Variants in SLC7A2 observed in about 807,000 individuals in gnomAD.
SLC7A2 encodes the protein solute carrier family 7 member 2, also known as cationic amino acid transporter 2.
SLC7A2 carries 48 observed loss-of-function variants against 58.9 expected under a neutral mutation model. The observed-to-expected ratio is 0.82, with a 90% CI of 0.65 to 1.04. SLC7A2 has a LOEUF of 1.04. SLC7A2 is among the 50% of genes least tolerant of loss of function. The pLI, the probability that SLC7A2 is intolerant of heterozygous loss-of-function variation, is 0.00. For synonymous variants in SLC7A2, 363 were observed against 314.5 expected, an observed-to-expected ratio of 1.15 and a Z score of -1.63; for missense variants, 1,029 against 818.8, an observed-to-expected ratio of 1.26 and a Z score of -3.13.
At chr8:17,563,487 T>C (rs1417512265) in intron 11 of SLC7A2, 116 bp from the exon 12 acceptor site, 8 of 670,856 alleles carry the variant, frequency 1.2e-5, no homozygotes, top group Non-Finnish European at 1.9e-5. Context: ...TGGTTTTAAC[T>C]GTGATTGACG....
intron 7 of SLC7A2, among the ~76,000 whole-genome samples, chr8:17,552,565 AAATGGTGGAAATT>A (rs1802504068): frequency 7.3e-6 from 1 of 136,548 alleles, no homozygotes; most frequent in Non-Finnish European, 1.6e-5. Context: ...ATTCTTAAAT[AAATGGTGGAAATT>A]CATATAAATA....
rs371164298 is a variant in SLC7A2 at position 17,558,336 on chromosome 8, A to G, written c.1237A>G (p.Met413Val). The G allele has an allele frequency of 2.6e-5, 42 of 1,613,476 alleles. No individual in the cohort carries two copies. The highest frequency in any genetic ancestry group is 3.3e-5 in the Admixed American group (2 of 59,936). The part of the protein sequence containing the change: ...FLFDLKALVD[M>V]MSIGTLMAYS... ...GTTTGACCTGAAGGCGCTTGTGGACATGATGTCCATTGGCACACTCATGGC... is the reference window on the plus strand; with the variant it reads ...GTTTGACCTGAAGGCGCTTGTGGACGTGATGTCCATTGGCACACTCATGGC... Residue 413 changes from methionine (M) to valine (V), a missense_variant, in exon 9 of 13, where the codon ATG becomes GTG. Met to Val is a conservative substitution (Grantham distance 21, BLOSUM62 1). Transcript: ENST00000494857.
At chr8:17,533,182 C>G (rs1046649159) in intron 2 of SLC7A2, among the ~76,000 whole-genome samples, 1 of 152,152 alleles carries the variant, frequency 6.6e-6, no homozygotes, top group African/African-American at 2.4e-5. Context: ...TATGAACTTG[C>G]AAACTTCTCT....
intron 8 of SLC7A2, chr8:17,555,189 AC>A (rs1250179506): frequency 6.2e-6 from 6 of 974,690 alleles, no homozygotes; most frequent in African/African-American, 1.7e-5. Flanking sequence ...GTTAAAAAAA[AC>A]AAAATCACTG....
At chr8:17,501,226 T>C (rs1241480321) in intron 1 of SLC7A2, among the ~76,000 whole-genome samples, 4 of 152,046 alleles carry the variant, frequency 2.6e-5, no homozygotes, top group Non-Finnish European at 4.4e-5. Flanking sequence ...GTTGCCCAGG[T>C]TGGTCTCGAA....
intron 6 of SLC7A2, 24 bp downstream of exon 6, chr8:17,550,458 T>G (rs1325245876): frequency 6.2e-7 from 1 of 1,607,534 alleles, no homozygotes; most frequent in Non-Finnish European, 8.5e-7. Context: ...CTTGGCTCAG[T>G]GTAGAAGGAG....
At chr8:17,509,494 C>T (rs1256094592) in intron 2 of SLC7A2, among the ~76,000 whole-genome samples, 1 of 151,878 alleles carries the variant, frequency 6.6e-6, no homozygotes, top group Non-Finnish European at 1.5e-5. Context: ...TTAGTAGAGA[C>T]AGGGTTTCAT....
At chr8:17,520,763 G>C in intron 2 of SLC7A2, 1 of 921,766 alleles carries the variant, frequency 1.1e-6, no homozygotes, top group South Asian at 5.1e-5. Context: ...GAATAAAAGG[G>C]TATCTGTAAG....
At chr8:17,508,209 C>G (rs1376874042) in intron 2 of SLC7A2, among the ~76,000 whole-genome samples, 1 of 152,072 alleles carries the variant, frequency 6.6e-6, no homozygotes, top group African/African-American at 2.4e-5. Flanking sequence ...CAGAAAATTC[C>G]TGTTGATAGT....
rs1803448369 is a variant in SLC7A2 at position 17,570,260 on chromosome 8, G to T, written c.*5114G>T. 1 of 152,202 alleles carries T rather than the reference G, an allele frequency of 6.6e-6. No individual in the cohort carries two copies. The highest frequency in any genetic ancestry group is 2.1e-4 in the South Asian group (1 of 4,820). The allele number at this position is 152,202 out of a possible 1,614,324, so 9.4% of individuals were successfully genotyped here. Reference sequence around the variant, plus strand: ...TTTATCTTTGGTGTCCCCTAGGAGTGTCCAGTTGTTTTATTGCTGTATTTT... The same window carrying T: ...TTTATCTTTGGTGTCCCCTAGGAGTTTCCAGTTGTTTTATTGCTGTATTTT... On this transcript the variant is annotated 3_prime_UTR_variant, in exon 13 of 13. Coordinates refer to ENST00000494857, the MANE Select transcript of SLC7A2 (RefSeq NM_001370338.1).
intron 2 of SLC7A2, among the ~76,000 whole-genome samples, chr8:17,507,964 C>A (rs562608645): frequency 6.6e-6 from 1 of 151,950 alleles, no homozygotes; most frequent in Admixed American, 6.6e-5. Flanking sequence ...CATACTTTTA[C>A]CAGAAAATGG....
chr8:17,494,913 C>T (rs1216342629), upstream of SLC7A2, among the ~76,000 whole-genome samples: 3 of 152,180 alleles, frequency 2.0e-5, no homozygotes, highest in African/African-American at 4.8e-5. Context: ...GAACACAGCA[C>T]GTTCTTGCTT....
At chr8:17,540,054 A>T (rs749352431) in intron 2 of SLC7A2, among the ~76,000 whole-genome samples, 1 of 152,158 alleles carries the variant, frequency 6.6e-6, no homozygotes, top group African/African-American at 2.4e-5. Context: ...CACTCCTTTC[A>T]TATATCAGTG....
chr8:17,546,486 A>C (rs753478995), intron 4 of SLC7A2, among the ~76,000 whole-genome samples: 7 of 152,216 alleles, frequency 4.6e-5, no homozygotes, highest in Non-Finnish European at 8.8e-5. Flanking sequence ...TGAGATATTC[A>C]TTGGTGTCTA....
At chr8:17,513,609 G>A (rs1800688981) in intron 2 of SLC7A2, among the ~76,000 whole-genome samples, 1 of 152,140 alleles carries the variant, frequency 6.6e-6, no homozygotes, top group Non-Finnish European at 1.5e-5. Context: ...TCTCAGATTT[G>A]AGGTAGTTGT....
intron 2 of SLC7A2, among the ~76,000 whole-genome samples, chr8:17,517,009 A>C (rs1339614495): frequency 6.6e-6 from 1 of 152,216 alleles, no homozygotes; most frequent in Non-Finnish European, 1.5e-5. Flanking sequence ...GGGACAGAAA[A>C]GTTGCAGAAG....
In SLC7A2 at chr8:17,569,203, G is replaced by A. The variant is rs974007878; in HGVS notation, c.*4057G>A. On this transcript the variant is annotated 3_prime_UTR_variant, in exon 13 of 13. Coordinates refer to ENST00000494857, the MANE Select transcript of SLC7A2 (RefSeq NM_001370338.1). ...GCCAAGATTCTGACTCTCCCTTTCC[G>A]GTGATACTGCTCATGATTTCTCCTA... 6.6e-6 allele frequency: 1 copy of A among 152,018 alleles called. No homozygotes were observed. The highest frequency in any genetic ancestry group is 2.4e-5 in the African/African-American group (1 of 41,384). The allele number at this position is 152,018 out of a possible 1,614,324, so 9.4% of individuals were successfully genotyped here.
intron 2 of SLC7A2, among the ~76,000 whole-genome samples, chr8:17,512,206 T>C (rs374368061): frequency 1.3e-5 from 2 of 152,198 alleles, no homozygotes; most frequent in African/African-American, 2.4e-5. Flanking sequence ...ACAAAAGATA[T>C]GGCTTTTTTT....
chr8:17,536,302 C>T (rs527256546), intron 2 of SLC7A2, among the ~76,000 whole-genome samples: 13 of 152,122 alleles, frequency 8.5e-5, no homozygotes, highest in African/African-American at 2.4e-4. Context: ...CAGTGGTTCA[C>T]GCCTGTAACC....
Sources: allele counts gnomAD v4.1 joint callset (sites outside exome capture counted in the v4.1 genomes callset), GRCh38; gene constraint gnomAD v4.1.1; transcripts MANE v1.5; gene names NCBI Gene and HGNC (gene_info 2026-07-23, HGNC 2026-07-21).